Variants in SLC35F4 observed in about 807,000 individuals in gnomAD.
SLC35F4 encodes chromosome 14 open reading frame 36.
SLC35F4 carries 24 observed loss-of-function variants against 44.2 expected under a neutral mutation model. That is an observed-to-expected ratio of 0.54 (90% confidence interval 0.39 to 0.76). SLC35F4 has a LOEUF of 0.76. SLC35F4 is among the 30% of genes least tolerant of loss of function. The pLI, the probability that SLC35F4 is intolerant of heterozygous loss-of-function variation, is 0.00. For synonymous variants in SLC35F4, 238 were observed against 223.6 expected, an observed-to-expected ratio of 1.06 and a Z score of -0.57; for missense variants, 562 against 586.1, an observed-to-expected ratio of 0.96 and a Z score of 0.42.
intron 1 of SLC35F4, among the ~76,000 whole-genome samples, chr14:57,918,556 A>G (rs1388041477): frequency 6.6e-6 from 1 of 152,214 alleles, no homozygotes; most frequent in Non-Finnish European, 1.5e-5. Context: ...TGAAGTTGAC[A>G]TGGTCTTATA....
At chr14:57,616,368 C>G (rs538778728) in intron 1 of SLC35F4, among the ~76,000 whole-genome samples, 58 of 152,302 alleles carry the variant, frequency 3.8e-4, no homozygotes, top group African/African-American at 1.3e-3. Flanking sequence ...GTCAAATGTG[C>G]TACAAGGTTT....
intron 1 of SLC35F4, among the ~76,000 whole-genome samples, chr14:57,927,899 A>T (rs7492749): frequency 6.7e-4 from 102 of 152,172 alleles, no homozygotes; most frequent in African/African-American, 2.3e-3. Flanking sequence ...CATGTTTTTG[A>T]TGTCAAGTTT....
At chr14:57,795,923 C>T (rs147970782) in intron 1 of SLC35F4, among the ~76,000 whole-genome samples, 4 of 152,146 alleles carry the variant, frequency 2.6e-5, no homozygotes, top group East Asian at 3.9e-4. Context: ...GTACCCAATA[C>T]CTAGTTTTTC....
At chr14:57,676,123 C>T (rs1178521566) in intron 1 of SLC35F4, among the ~76,000 whole-genome samples, 1 of 152,002 alleles carries the variant, frequency 6.6e-6, no homozygotes, top group Non-Finnish European at 1.5e-5. Flanking sequence ...AAGAGAAAAA[C>T]AAGTAATCCC....
At chr14:57,757,906 C>T (rs1363189108) in intron 1 of SLC35F4, among the ~76,000 whole-genome samples, 1 of 151,770 alleles carries the variant, frequency 6.6e-6, no homozygotes, top group Non-Finnish European at 1.5e-5. Context: ...TGTGGTTCTT[C>T]AGTTGACAAA....
intron 1 of SLC35F4, among the ~76,000 whole-genome samples, chr14:57,788,891 C>T (rs1459825319): frequency 6.6e-6 from 1 of 152,172 alleles, no homozygotes; most frequent in African/African-American, 2.4e-5. Flanking sequence ...GAAAACTAAA[C>T]AACCTGCTCC....
In SLC35F4 at chr14:57,581,517, T is replaced by C. The variant is rs535270366; in HGVS notation, c.588-84A>G. ...CTGACTCATCGCAGCCATTTTCAGG[T>C]AAGAGCACAAACACTCAATACCCAT... On this transcript the variant is annotated intron_variant, in intron 3 of 7. Coordinates refer to ENST00000556826, the MANE Select transcript of SLC35F4 (RefSeq NM_001306087.2). 6.5e-6 allele frequency: 8 copies of C among 1,238,232 alleles called. No individual in the cohort carries two copies. In the South Asian group the frequency reaches 1.2e-4, roughly 18 times the overall value. The allele number at this position is 1,238,232 out of a possible 1,614,324, so 76.7% of individuals were successfully genotyped here.
intron 1 of SLC35F4, among the ~76,000 whole-genome samples, chr14:57,934,172 CCAA>C (rs1278518382): frequency 6.6e-6 from 1 of 151,332 alleles, no homozygotes; most frequent in East Asian, 1.9e-4. Flanking sequence ...ACGGAAAATT[CCAA>C]CATTTTTTGT....
intron 1 of SLC35F4, among the ~76,000 whole-genome samples, chr14:57,638,389 T>G (rs185137068): frequency 6.6e-6 from 1 of 152,068 alleles, no homozygotes; most frequent in East Asian, 1.9e-4. Context: ...AGAGTGAACA[T>G]GGGTTGTGTG....
chr14:57,836,378 C>CT (rs1884922140), intron 1 of SLC35F4, among the ~76,000 whole-genome samples: 1 of 152,110 alleles, frequency 6.6e-6, no homozygotes, highest in Non-Finnish European at 1.5e-5. Context: ...CTGCAACCTC[C>CT]GACTCCCTGG....
At chr14:57,645,730 A>G (rs7151687) in intron 1 of SLC35F4, among the ~76,000 whole-genome samples, 136,629 of 150,414 alleles carry the variant, frequency 0.91, 62,595 homozygotes, top group Non-Finnish European at 0.97. Flanking sequence ...TCCAGTTTTC[A>G]TCCATTCAGT....
rs371970990 is a variant in SLC35F4, at chr14:57,740,945, C to T, written c.103+124778G>A. Among the ~76,000 whole-genome samples, 12 of 152,300 alleles carry T rather than the reference C, an allele frequency of 7.9e-5. 1 individual carries two copies. In the South Asian group the frequency reaches 2.5e-3, roughly 32 times the overall value. ...AGACGAAGCTGCTGTTGTGCAGCCT[C>T]CGCTGGTGATACCCAGGCAAACAGG... On this transcript the variant is annotated intron_variant, in intron 1 of 7. Coordinates refer to ENST00000556826, the MANE Select transcript of SLC35F4 (RefSeq NM_001306087.2).
At chr14:57,906,782 A>G (rs745332438) in intron 1 of SLC35F4, among the ~76,000 whole-genome samples, 1 of 152,228 alleles carries the variant, frequency 6.6e-6, no homozygotes, top group Non-Finnish European at 1.5e-5. Context: ...GATAAAAATT[A>G]TATGTATTTG....
intron 2 of SLC35F4, 98 bp downstream of exon 2, chr14:57,593,841 T>C: frequency 7.5e-7 from 1 of 1,325,662 alleles, no homozygotes; most frequent in Non-Finnish European, 1.0e-6. Flanking sequence ...CTCATAAGAG[T>C]CCGTGTAACA....
chr14:57,845,984 G>C (rs940077538), intron 1 of SLC35F4, among the ~76,000 whole-genome samples: 9 of 152,114 alleles, frequency 5.9e-5, no homozygotes, highest in African/African-American at 2.2e-4. Context: ...GAGTAATAAG[G>C]CCATTGAAGA....
intron 1 of SLC35F4, among the ~76,000 whole-genome samples, chr14:57,759,227 G>C (rs80027552): frequency 0.024 from 3,580 of 152,188 alleles, 142 homozygotes; most frequent in East Asian, 0.17. Context: ...CCTTATTTCA[G>C]TTATTTTGGT....
intron 1 of SLC35F4, among the ~76,000 whole-genome samples, chr14:57,748,157 T>C (rs886498883): frequency 6.6e-5 from 10 of 152,158 alleles, no homozygotes; most frequent in Admixed American, 3.9e-4. Flanking sequence ...CAGCAGTTGG[T>C]TAATTTTTTG....
chr14:57,611,607 AG>A (rs1034476718), intron 1 of SLC35F4, among the ~76,000 whole-genome samples: 98 of 152,264 alleles, frequency 6.4e-4, no homozygotes, highest in Non-Finnish European at 1.3e-3. Context: ...AACAAAAAAA[AG>A]AGTTACCATT....
intron 1 of SLC35F4, among the ~76,000 whole-genome samples, chr14:57,893,861 G>T (rs1781344098): frequency 1.3e-5 from 2 of 151,300 alleles, no homozygotes; most frequent in South Asian, 4.2e-4. Context: ...GTATATTTCA[G>T]TTTAAGTATA....
Sources: gnomAD v4.1 joint callset for allele counts (sites outside exome capture counted in the v4.1 genomes callset) on GRCh38, gnomAD v4.1.1 for gene constraint, MANE v1.5 for transcripts, NCBI Gene and HGNC (gene_info 2026-07-23, HGNC 2026-07-21) for gene names.